The following PRPF8 variants were observed in gnomAD, a reference collection of about 807,000 sequenced individuals.
The protein encoded by PRPF8 is pre-mRNA processing factor 8.
Under a neutral mutation model 285.9 loss-of-function variants are expected in PRPF8, and 64 were observed. The ratio of observed to expected loss-of-function variants is 0.22; its 90% CI spans 0.18 to 0.28. PRPF8 has a LOEUF of 0.28. Among genes scored for constraint, PRPF8 ranks in the 10% least tolerant of loss-of-function variants. The probability of loss-of-function intolerance (pLI) is 1.00; values close to 1 mark genes in which losing one functional copy is unlikely to be tolerated. For missense variants in PRPF8, 1,426 were observed against 3,026.7 expected (o/e 0.47, Z 12.41); for synonymous variants, 1,325 against 1,118.2 (o/e 1.18, Z -3.69).
At chr17:1,670,037 T>G in intron 24 of PRPF8, among the ~76,000 whole-genome samples, 1 of 152,186 alleles carries the variant, frequency 6.6e-6, no homozygotes, top group East Asian at 1.9e-4. Context: ...CCTTTCTAGT[T>G]TCATTTCTCT....
At position 1,673,932 on chromosome 17, in the gene PRPF8, T is replaced by C. The variant is rs929174925; in HGVS notation, c.3300-40A>G. On this transcript the variant is annotated intron_variant, in intron 21 of 42. Coordinates refer to ENST00000304992, the MANE Select transcript of PRPF8 (RefSeq NM_006445.4). The surrounding 1 kb of genome is among the most constrained non-coding windows in gnomAD (Gnocchi z 5.5). ...GTACACTGCTGAGGCCCCAGTACAC[T>C]GAGATTTGGGACACCCACAAGTCCT... The C allele has an allele frequency of 2.5e-6, 4 of 1,606,404 alleles. No homozygotes were observed. The highest frequency in any genetic ancestry group is 3.3e-5 in the Admixed American group (2 of 59,942).
At position 1,677,677 on chromosome 17, in the gene PRPF8, A is replaced by G; in HGVS notation, c.1872T>C (p.Gly624=). Residue 624 remains glycine (G), a synonymous_variant, in exon 14 of 43, where the codon GGT becomes GGC. Coordinates refer to ENST00000304992, the MANE Select transcript of PRPF8 (RefSeq NM_006445.4). ...YRFNTGPVGK[G]PGCGFWAAGW... is the part of the protein sequence containing the mutation. ...CGGCAGCCCAGAAGCCACAGCCAGG[A>G]CCCTTCCCTACAGGGCCCTACGATC... is the stretch of plus-strand genomic sequence containing the variant. 1 of 1,613,884 alleles carries G rather than the reference A, an allele frequency of 6.2e-7. No individual in the cohort carries two copies. The highest frequency in any genetic ancestry group is 8.5e-7 in the Non-Finnish European group (1 of 1,180,008).
At position 1,675,361 on chromosome 17, in the gene PRPF8, C is replaced by G. The variant is rs367795823; in HGVS notation, c.2873-22G>C. On this transcript the variant is annotated intron_variant, in intron 19 of 42. Coordinates refer to ENST00000304992, the MANE Select transcript of PRPF8 (RefSeq NM_006445.4). This position sits in a 1 kb window ranked among gnomAD's most constrained non-coding sequence, Gnocchi z 6.0. ...ATGCCTGAGGAGTAGCAAGGCAGGTCTCCAGCAGGTTAGAAATCCTCTTGC... is the reference window on the plus strand; with the variant it reads ...ATGCCTGAGGAGTAGCAAGGCAGGTGTCCAGCAGGTTAGAAATCCTCTTGC... 1.2e-6 allele frequency: 2 copies of G among 1,613,638 alleles called. No homozygotes were observed. The highest frequency in any genetic ancestry group is 4.5e-5 in the East Asian group (2 of 44,890).
intron 34 of PRPF8, among the ~76,000 whole-genome samples, chr17:1,657,996 T>C (rs995275965): frequency 1.4e-5 from 2 of 148,032 alleles, no homozygotes; most frequent in Non-Finnish European, 3.0e-5. Context: ...AAAAAGAGTA[T>C]GCGTTGCCTT....
At chr17:1,660,908 G>C (rs1224895313) in intron 28 of PRPF8, 81 bp from the exon 29 acceptor site, 2 of 1,612,364 alleles carry the variant, frequency 1.2e-6, no homozygotes, top group African/African-American at 1.3e-5. Context: ...GGCTGTCTGG[G>C]AAACACCACA....
Position 1,677,294 on chromosome 17 carries a change from CTGTGCCCAGCA to C in PRPF8, c.1985-133_1985-123del, listed in dbSNP as rs752138656. 2,598 of 1,107,196 alleles carry C rather than the reference CTGTGCCCAGCA, an allele frequency of 2.3e-3. 5 individuals are homozygous for C. Among genetic ancestry groups the C allele is most frequent in the Non-Finnish European group, 3.1e-3 (2,251 of 737,010 alleles). 68.6% of individuals were successfully genotyped at this position (1,107,196 alleles called of 1,614,324 possible). ...AAAATTAGGTATTAACAAAGCGTCCCTGTGCCCAGCATATGCAAAAAGACGAGCTACCTTAA... is the reference window on the plus strand; with the variant it reads ...AAAATTAGGTATTAACAAAGCGTCCCTATGCAAAAAGACGAGCTACCTTAA... On this transcript the variant is annotated intron_variant, in intron 14 of 42. Transcript: ENST00000304992.
intron 24 of PRPF8, among the ~76,000 whole-genome samples, chr17:1,670,297 T>C (rs941425956): frequency 6.6e-6 from 1 of 152,238 alleles, no homozygotes; most frequent in Non-Finnish European, 1.5e-5. Flanking sequence ...AAACCTGTTC[T>C]TGTTCATGTG....
Position 1,673,318 on chromosome 17 carries a change from GGCGCGTTCATGTCACTCCCA to G in PRPF8, c.3657+19_3657+38del. On this transcript the variant is annotated intron_variant, in intron 23 of 42. Transcript: ENST00000304992. The surrounding 1 kb of genome is among the most constrained non-coding windows in gnomAD (Gnocchi z 5.5). Reference sequence around the variant, plus strand: ...TCCGGTGACTGACCCAGGAAGTGCAGGCGCGTTCATGTCACTCCCAGCCCCGCCCAGGCTGTACCTCATTC... The same window carrying G: ...TCCGGTGACTGACCCAGGAAGTGCAGGCCCCGCCCAGGCTGTACCTCATTC... 6.2e-7 allele frequency: 1 copy of G among 1,611,366 alleles called. No homozygotes were observed. Among genetic ancestry groups the G allele is most frequent in the Middle Eastern group, 1.7e-4 (1 of 6,056 alleles).
In PRPF8 at chr17:1,661,563, C is replaced by CCA. The variant is rs770925559; in HGVS notation, c.4202+46_4202+47dup. ...CCCTGAACTCCACACGGTTCAAAGG[C>CCA]CACCACTGCCCCTGCCCCAGGGTTG... On this transcript the variant is annotated intron_variant, in intron 26 of 42. Transcript: ENST00000304992. The surrounding 1 kb of genome is among the most constrained non-coding windows in gnomAD (Gnocchi z 7.3). 17 of 1,611,492 alleles carry CCA rather than the reference C, an allele frequency of 1.1e-5. No individual in the cohort carries two copies. Among genetic ancestry groups the CCA allele is most frequent in the Non-Finnish European group, 1.4e-5 (17 of 1,179,758 alleles).
intron 3 of PRPF8, among the ~76,000 whole-genome samples, chr17:1,682,663 C>T (rs9908141): frequency 0.32 from 48,345 of 152,096 alleles, 10,717 homozygotes; most frequent in African/African-American, 0.63. Context: ...GCCACTAGAC[C>T]GCACACTGCA....
chr17:1,654,544 A>G lies in PRPF8; in HGVS notation c.5988-528T>C, dbSNP rs377575679. On this transcript the variant is annotated intron_variant, in intron 37 of 42. Coordinates refer to ENST00000304992, the MANE Select transcript of PRPF8 (RefSeq NM_006445.4). Reference sequence around the variant, plus strand: ...GCAACAGTGAGAAACAATGGCCAAGAGTCAGACTGAAGCCCTAAAACAGGG... The same window carrying G: ...GCAACAGTGAGAAACAATGGCCAAGGGTCAGACTGAAGCCCTAAAACAGGG... The G allele has an allele frequency of 4.0e-4, 91 of 230,160 alleles. 2 individuals are homozygous for G. The South Asian group carries it at 5.9e-3, about 15-fold the overall frequency. 14.3% of individuals were successfully genotyped at this position (230,160 alleles called of 1,614,324 possible). A position where few individuals can be genotyped will look rare whatever the true frequency, so the allele number is the denominator to read the frequency against.
chr17:1,682,084 AACCACC>A (rs200119630), intron 4 of PRPF8, 39 bp downstream of exon 4: 47 of 1,610,096 alleles, frequency 2.9e-5, no homozygotes, highest in Admixed American at 5.0e-5. Flanking sequence ...ACTGCCTCCC[AACCACC>A]ACCACCACCA....
At position 1,673,283 on chromosome 17, in the gene PRPF8, C is replaced by T. The variant is rs1912425980; in HGVS notation, c.3657+74G>A. 2 of 1,603,724 alleles carry T rather than the reference C, an allele frequency of 1.2e-6. No individual in the cohort carries two copies. Among genetic ancestry groups the T allele is most frequent in the Middle Eastern group, 1.7e-4 (1 of 6,032 alleles). ...GTGCCCACCACTCAAGTCTTTCCAC[C>T]CAACAAGACTCCGGTGACTGACCCA... On this transcript the variant is annotated intron_variant, in intron 23 of 42. Coordinates refer to ENST00000304992, the MANE Select transcript of PRPF8 (RefSeq NM_006445.4). This position sits in a 1 kb window ranked among gnomAD's most constrained non-coding sequence, Gnocchi z 5.5.
Position 1,658,844 on chromosome 17 carries a change from GAAGA to G in PRPF8, c.5139-85_5139-82del, listed in dbSNP as rs759124089. On this transcript the variant is annotated intron_variant, in intron 32 of 42. Transcript: ENST00000304992. The surrounding 1 kb of genome is among the most constrained non-coding windows in gnomAD (Gnocchi z 4.1). ...AAGACAAGCTGCCAACTCTACAGAG[GAAGA>G]AAGACTGTTCGCCAGGCTGACAACA... The G allele has an allele frequency of 2.4e-6, 3 of 1,242,296 alleles. No individual in the cohort carries two copies. The highest frequency in any genetic ancestry group is 2.3e-5 in the East Asian group (1 of 42,936). The allele number at this position is 1,242,296 out of a possible 1,614,324, so 77.0% of individuals were successfully genotyped here. A position where few individuals can be genotyped will look rare whatever the true frequency, so the allele number is the denominator to read the frequency against.
Position 1,679,550 on chromosome 17 carries a change from T to TG in PRPF8, c.1289+58dup. ...AAAAAAGGCTACATGCCCACCTAGT[T>TG]GGAGTCTTTTCTCCTACACATCCAC... On this transcript the variant is annotated intron_variant, in intron 9 of 42. Transcript: ENST00000304992. This position sits in a 1 kb window ranked among gnomAD's most constrained non-coding sequence, Gnocchi z 4.7. 1 of 1,604,348 alleles carries TG rather than the reference T, an allele frequency of 6.2e-7. No individual in the cohort carries two copies.
At position 1,677,105 on chromosome 17, in the gene PRPF8, C is replaced by T. The variant is rs760330439; in HGVS notation, c.2052G>A (p.Glu684=). ...TATCATGCATCACAGCTGCCCGCAG[C>T]TCAAGGTCAAAATGTGACTCCACTC... ...KQRVESHFDL[E]LRAAVMHDIL... The change falls in exon 15 of 43, where the codon GAG becomes GAA. Residue 684 remains glutamate, a synonymous_variant. Coordinates refer to ENST00000304992, the MANE Select transcript of PRPF8 (RefSeq NM_006445.4). 4 of 1,613,968 alleles carry T rather than the reference C, an allele frequency of 2.5e-6. No individual in the cohort carries two copies. The Admixed American group carries it at 6.7e-5, about 27-fold the overall frequency.
rs558379552 is a variant in PRPF8 at position 1,675,008 on chromosome 17, C to T, written c.3060+144G>A. On this transcript the variant is annotated intron_variant, in intron 20 of 42. Coordinates refer to ENST00000304992, the MANE Select transcript of PRPF8 (RefSeq NM_006445.4). The surrounding 1 kb of genome is among the most constrained non-coding windows in gnomAD (Gnocchi z 6.0). ...CAGACTGGTCTCGAACTCCTGACCT[C>T]GTGATCTGCCCGCCTCAGCCTCCCA... 8 of 955,042 alleles carry T rather than the reference C, an allele frequency of 8.4e-6. No homozygotes were observed. Among genetic ancestry groups the T allele is most frequent in the African/African-American group, 4.8e-5 (3 of 61,966 alleles). The allele number at this position is 955,042 out of a possible 1,614,324, so 59.2% of individuals were successfully genotyped here.
At position 1,653,703 on chromosome 17, in the gene PRPF8, G is replaced by A. The variant is rs370339344; in HGVS notation, c.6228-20C>T. 3.5e-5 allele frequency: 56 copies of A among 1,614,016 alleles called. No homozygotes were observed. The highest frequency in any genetic ancestry group is 4.1e-5 in the Non-Finnish European group (48 of 1,180,034). ...ATGGCCCTAAAAACAGGCAGGGAGT[G>A]TCAGCATCGCTCAGCCCAGCACCTT... On this transcript the variant is annotated intron_variant, in intron 38 of 42. Coordinates refer to ENST00000304992, the MANE Select transcript of PRPF8 (RefSeq NM_006445.4). The surrounding 1 kb of genome is among the most constrained non-coding windows in gnomAD (Gnocchi z 4.9).
At chr17:1,674,276 C>A (rs1339446731) in intron 21 of PRPF8, among the ~76,000 whole-genome samples, 166 bp downstream of exon 21, 1 of 152,184 alleles carries the variant, frequency 6.6e-6, no homozygotes, top group Non-Finnish European at 1.5e-5. Flanking sequence ...CCTGCCTCGG[C>A]CTCCCAAAGT....
Sources: gnomAD v4.1 joint callset for allele counts (sites outside exome capture counted in the v4.1 genomes callset) on GRCh38, gnomAD v4.1.1 for gene constraint, Gnocchi (gnomAD v3.1) non-coding constraint, MANE v1.5 for transcripts, NCBI Gene and HGNC (gene_info 2026-07-23, HGNC 2026-07-21) for gene names.